The following MYO9A variants were observed in gnomAD, a reference collection of about 807,000 sequenced individuals.
MYO9A encodes the protein unconventional myosin-IXa.
MYO9A carries 103 observed loss-of-function variants against 293.3 expected under a neutral mutation model. That is an observed-to-expected ratio of 0.35 (90% CI 0.30 to 0.41). The LOEUF (loss-of-function observed/expected upper bound fraction) is 0.41. Ranked by LOEUF, MYO9A falls within the 10% of genes least tolerant of loss-of-function variation. The pLI is 1.00. For synonymous variants in MYO9A, 1,001 were observed against 1,035.7 expected (o/e 0.97, Z 0.64); for missense variants, 2,685 against 3,033.0 (o/e 0.89, Z 2.69).
rs545332385 is a variant in MYO9A, at chr15:71,826,043, T to C, written c.*537A>G. 1.5e-5 allele frequency: 2 copies of C among 134,928 alleles called. 1 individual carries two copies. The highest frequency in any genetic ancestry group is 5.4e-4 in the East Asian group (2 of 3,710). 8.4% of individuals were successfully genotyped at this position (134,928 alleles called of 1,614,324 possible). A position where few individuals can be genotyped will look rare whatever the true frequency, so the allele number is the denominator to read the frequency against. ...TTTTGTTTTTGCTTTCCCCAGAATATAACATGGAGTGTTTTTTCAGAAATC... is the reference window on the plus strand; with the variant it reads ...TTTTGTTTTTGCTTTCCCCAGAATACAACATGGAGTGTTTTTTCAGAAATC... On this transcript the variant is annotated 3_prime_UTR_variant, in exon 42 of 42. Transcript: ENST00000356056.
At position 71,947,166 on chromosome 15, in the gene MYO9A, G is replaced by T. The variant is rs988093927; in HGVS notation, c.2302+4611C>A. 1.6e-4 allele frequency among the ~76,000 whole-genome samples: 24 copies of T among 151,880 alleles called. 1 individual carries two copies. Among genetic ancestry groups the T allele is most frequent in the Middle Eastern group, 6.8e-3 (2 of 294 alleles). ...AAATGGTGGCATGCACCTGTAGTCCGAGGTGCTTGGGAGGCTAAGGCATGA... is the reference window on the plus strand; with the variant it reads ...AAATGGTGGCATGCACCTGTAGTCCTAGGTGCTTGGGAGGCTAAGGCATGA... On this transcript the variant is annotated intron_variant, in intron 15 of 41. Transcript: ENST00000356056.
chr15:71,965,787 C>T (rs186196076), intron 13 of MYO9A, among the ~76,000 whole-genome samples: 41 of 152,300 alleles, frequency 2.7e-4, no homozygotes, highest in African/African-American at 9.1e-4. Flanking sequence ...TTAGTGATTA[C>T]GTCTTCCTGT....
intron 30 of MYO9A, among the ~76,000 whole-genome samples, chr15:71,878,834 C>G (rs1437023012): frequency 1.3e-5 from 2 of 150,894 alleles, no homozygotes; most frequent in Non-Finnish European, 2.9e-5. Context: ...GCAACCTCCA[C>G]CTCAAGCTAT....
intron 1 of MYO9A, among the ~76,000 whole-genome samples, chr15:72,096,877 A>G (rs1338703957): frequency 6.6e-6 from 1 of 152,248 alleles, no homozygotes; most frequent in Non-Finnish European, 1.5e-5. Context: ...AAGGAATTGC[A>G]GATGTGGTGG....
chr15:72,101,719 G>C (rs1394806751), intron 1 of MYO9A, among the ~76,000 whole-genome samples: 1 of 135,668 alleles, frequency 7.4e-6, no homozygotes, highest in African/African-American at 2.8e-5. Context: ...CCGGCCAGCC[G>C]CCCCGTCTGG....
At chr15:71,864,985 T>C (rs1376013165) in intron 32 of MYO9A, among the ~76,000 whole-genome samples, 1 of 152,218 alleles carries the variant, frequency 6.6e-6, no homozygotes, top group Admixed American at 6.5e-5. Context: ...TGGTTTACAA[T>C]ACCAATTGGT....
At chr15:71,836,785 T>C (rs11856068) in intron 39 of MYO9A, among the ~76,000 whole-genome samples, 11,881 of 152,054 alleles carry the variant, frequency 0.078, 882 homozygotes, top group African/African-American at 0.18. Flanking sequence ...GGGATACATA[T>C]TTTGGTAGCA....
At chr15:71,888,249 T>C in intron 26 of MYO9A, 133 bp from the exon 27 acceptor site, 1 of 495,650 alleles carries the variant, frequency 2.0e-6, no homozygotes, top group Non-Finnish European at 3.5e-6. Flanking sequence ...AGAGATTCAT[T>C]GAAATAATAG....
chr15:71,856,182 G>A (rs1027144851), intron 34 of MYO9A, among the ~76,000 whole-genome samples: 1 of 151,900 alleles, frequency 6.6e-6, no homozygotes, highest in East Asian at 1.9e-4. Context: ...ATAGTGGTGG[G>A]CACCTGTAAT....
intron 11 of MYO9A, among the ~76,000 whole-genome samples, chr15:71,986,250 T>G (rs1047437905): frequency 7.9e-5 from 12 of 152,256 alleles, no homozygotes; most frequent in Admixed American, 7.8e-4. Flanking sequence ...ATAGGTTATG[T>G]GCAAATACTA....
chr15:72,038,723 G>A (rs1448362323), intron 2 of MYO9A, among the ~76,000 whole-genome samples: 2 of 152,192 alleles, frequency 1.3e-5, no homozygotes, highest in Non-Finnish European at 2.9e-5. Context: ...AGGAGCCCGT[G>A]CCCATCACTG....
chr15:71,901,830 C>A (rs1044598407), intron 22 of MYO9A, among the ~76,000 whole-genome samples: 2 of 151,998 alleles, frequency 1.3e-5, no homozygotes, highest in Non-Finnish European at 2.9e-5. Context: ...ATTTTTCAAG[C>A]GTGTTGGGAT....
Position 71,901,253 on chromosome 15 carries a change from A to T in MYO9A, c.3088T>A (p.Phe1030Ile). The T allele has an allele frequency of 6.2e-7, 1 of 1,614,066 alleles. No homozygotes were observed. Among genetic ancestry groups the T allele is most frequent in the Non-Finnish European group, 8.5e-7 (1 of 1,179,992 alleles). ...LRRIILLQRW[F>I]RVLLCRQHFL... is the part of the protein sequence containing the mutation. Reference sequence around the variant, plus strand: ...TGCTGCCTACACAGCAAGACCCTGAACCATCGCTGCAACAATATGATTCTG... The same window carrying T: ...TGCTGCCTACACAGCAAGACCCTGATCCATCGCTGCAACAATATGATTCTG... The change falls in exon 23 of 42, where the codon TTC (phenylalanine) becomes ATC (isoleucine). Residue 1030 changes from phenylalanine to isoleucine, a missense_variant. Phe to Ile is a conservative substitution (Grantham distance 21). This residue lies in a region of MYO9A where 1,434 missense variants were observed against 1,497.7 expected (regional missense o/e 0.96). Coordinates refer to ENST00000356056, the MANE Select transcript of MYO9A (RefSeq NM_006901.4).
intron 2 of MYO9A, 26 bp downstream of exon 2, chr15:72,045,698 C>A (rs934349028): frequency 5.8e-6 from 9 of 1,538,528 alleles, no homozygotes; most frequent in South Asian, 1.3e-5. Context: ...AAATTAAAAT[C>A]AAAAATAAGA....
chr15:71,924,247 T>C (rs1485953468), intron 18 of MYO9A, among the ~76,000 whole-genome samples: 1 of 151,904 alleles, frequency 6.6e-6, no homozygotes, highest in Non-Finnish European at 1.5e-5. Flanking sequence ...TTATCATTAT[T>C]GTTATTATTT....
chr15:71,839,232 T>C (rs1567183901), intron 39 of MYO9A, among the ~76,000 whole-genome samples: 3 of 152,202 alleles, frequency 2.0e-5, no homozygotes, highest in Admixed American at 6.5e-5. Context: ...TCCTTCCCGA[T>C]TGCCCTTTGA....
At chr15:72,054,982 G>C (rs1472019161) in intron 1 of MYO9A, among the ~76,000 whole-genome samples, 1 of 151,362 alleles carries the variant, frequency 6.6e-6, no homozygotes, top group Non-Finnish European at 1.5e-5. Flanking sequence ...GATGTGACGA[G>C]ACTGTATATC....
intron 32 of MYO9A, among the ~76,000 whole-genome samples, chr15:71,871,088 T>C (rs1276423049): frequency 6.6e-6 from 1 of 152,020 alleles, no homozygotes; most frequent in Non-Finnish European, 1.5e-5. Flanking sequence ...ATAATAAACA[T>C]ACTAGGCCAG....
At chr15:71,887,779 A>G (rs1213113154) in intron 27 of MYO9A, among the ~76,000 whole-genome samples, 1 of 152,122 alleles carries the variant, frequency 6.6e-6, no homozygotes, top group Non-Finnish European at 1.5e-5. Flanking sequence ...CTATGAACTT[A>G]TGAGGGTTGA....
Sources: allele counts gnomAD v4.1 joint callset (sites outside exome capture counted in the v4.1 genomes callset), GRCh38; gene constraint gnomAD v4.1.1; regional missense constraint gnomAD v4.1.1; transcripts MANE v1.5; gene names NCBI Gene and HGNC (gene_info 2026-07-23, HGNC 2026-07-21).